CAMTA1: variants seen among roughly 807,000 people sequenced by gnomAD.
The protein encoded by CAMTA1 is calmodulin-binding transcription activator 1.
A neutral mutation model predicts 170.9 loss-of-function variants in CAMTA1; 27 were observed. The observed-to-expected ratio is 0.16, with a 90% CI of 0.12 to 0.22. The LOEUF (loss-of-function observed/expected upper bound fraction) is 0.22. CAMTA1 is among the 10% of genes least tolerant of loss of function. The probability of loss-of-function intolerance (pLI) is 1.00; values close to 1 mark genes in which losing one functional copy is unlikely to be tolerated. For missense variants in CAMTA1, 1,619 were observed against 2,217.2 expected, an observed-to-expected ratio of 0.73 and a Z score of 5.42; for synonymous variants, 833 against 891.5, an observed-to-expected ratio of 0.93 and a Z score of 1.17.
chr1:7,516,533 A>G (rs2094289131), intron 6 of CAMTA1, among the ~76,000 whole-genome samples: 1 of 152,182 alleles, frequency 6.6e-6, no homozygotes, highest in African/African-American at 2.4e-5. Context: ...GGGAACAGCT[A>G]AGAAAGAGGC....
At chr1:7,150,177 G>C (rs1646492355) in intron 4 of CAMTA1, among the ~76,000 whole-genome samples, 1 of 152,202 alleles carries the variant, frequency 6.6e-6, no homozygotes, top group Admixed American at 6.5e-5. Flanking sequence ...AGAGTGCCTG[G>C]ACCCGCATCG....
Position 7,738,566 on chromosome 1 carries a change from G to C in CAMTA1, c.4182+84G>C. 2.1e-6 allele frequency: 3 copies of C among 1,455,402 alleles called. No individual in the cohort carries two copies. The highest frequency in any genetic ancestry group is 2.8e-6 in the Non-Finnish European group (3 of 1,082,068). 90.2% of individuals were successfully genotyped at this position (1,455,402 alleles called of 1,614,324 possible). A position where few individuals can be genotyped will look rare whatever the true frequency, so the allele number is the denominator to read the frequency against. On this transcript the variant is annotated intron_variant, in intron 16 of 22. Transcript: ENST00000303635. This position sits in a 1 kb window ranked among gnomAD's most constrained non-coding sequence, Gnocchi z 4.9. ...TTTATGGTCCATTTCCGAAGGTTGT[G>C]TCATTTTCCTCCCCGTGAAGCCTTC... is the stretch of plus-strand genomic sequence containing the variant.
intron 11 of CAMTA1, among the ~76,000 whole-genome samples, chr1:7,714,472 G>A (rs1330134821): frequency 6.6e-6 from 1 of 152,108 alleles, no homozygotes; most frequent in African/African-American, 2.4e-5. Flanking sequence ...ACAGTCACTT[G>A]AAACCTAGTA....
chr1:6,861,964 CTT>C (rs1328461176), intron 3 of CAMTA1, among the ~76,000 whole-genome samples: 21 of 140,084 alleles, frequency 1.5e-4, no homozygotes, highest in Admixed American at 2.2e-4. Context: ...TAGTATTTGT[CTT>C]TTTTTTTTTT....
At chr1:7,707,692 A>G (rs780840889) in intron 11 of CAMTA1, among the ~76,000 whole-genome samples, 1 of 152,208 alleles carries the variant, frequency 6.6e-6, no homozygotes, top group Non-Finnish European at 1.5e-5. Context: ...GATGTATTGA[A>G]TTACATTAAA....
chr1:7,692,061 G>C (rs1224717070), intron 11 of CAMTA1, among the ~76,000 whole-genome samples: 1 of 152,066 alleles, frequency 6.6e-6, no homozygotes, highest in Non-Finnish European at 1.5e-5. Context: ...GCTGACTGCA[G>C]CTTTAGGATC....
At chr1:7,218,229 CA>C (rs1333543213) in intron 4 of CAMTA1, among the ~76,000 whole-genome samples, 11 of 152,180 alleles carry the variant, frequency 7.2e-5, no homozygotes, top group African/African-American at 2.7e-4. Flanking sequence ...GGATATTTTT[CA>C]AATGCATCGT....
intron 5 of CAMTA1, among the ~76,000 whole-genome samples, chr1:7,270,168 C>T (rs541198845): frequency 2.7e-5 from 4 of 149,684 alleles, no homozygotes; most frequent in African/African-American, 7.4e-5. Flanking sequence ...GATATATTTG[C>T]TAGCAGATCT....
At chr1:6,889,299 TGAA>T (rs1674006691) in intron 3 of CAMTA1, among the ~76,000 whole-genome samples, 1 of 152,190 alleles carries the variant, frequency 6.6e-6, no homozygotes, top group East Asian at 1.9e-4. Flanking sequence ...TTTTCTGAGG[TGAA>T]GAAATAAATG....
chr1:7,011,604 G>A (rs1015738735), intron 3 of CAMTA1, among the ~76,000 whole-genome samples: 4 of 152,130 alleles, frequency 2.6e-5, no homozygotes, highest in African/African-American at 4.8e-5. Flanking sequence ...CAGAGCATCC[G>A]TGTCAAAAAT....
At chr1:7,451,210 C>T (rs960492019) in intron 5 of CAMTA1, among the ~76,000 whole-genome samples, 1 of 152,358 alleles carries the variant, frequency 6.6e-6, no homozygotes, top group East Asian at 1.9e-4. Context: ...ATGATGTTCT[C>T]ATCTGCAGAT....
At chr1:7,616,853 A>G (rs1014339078) in intron 6 of CAMTA1, among the ~76,000 whole-genome samples, 1 of 152,258 alleles carries the variant, frequency 6.6e-6, no homozygotes, top group Non-Finnish European at 1.5e-5. Context: ...ACCCTATGAC[A>G]GCAGGGAGAT....
At chr1:7,310,651 CTT>C (rs1399174975) in intron 5 of CAMTA1, among the ~76,000 whole-genome samples, 2 of 46,078 alleles carry the variant, frequency 4.3e-5, no homozygotes, top group African/African-American at 2.4e-4. Context: ...TTTCTTTTTT[CTT>C]TCTTTCTTTC....
intron 11 of CAMTA1, among the ~76,000 whole-genome samples, chr1:7,719,953 A>C (rs1370279524): frequency 6.6e-6 from 1 of 152,240 alleles, no homozygotes; most frequent in Non-Finnish European, 1.5e-5. Context: ...GCACATGTGC[A>C]CTTGAGCTAC....
chr1:6,992,645 T>C (rs1696572276), intron 3 of CAMTA1, among the ~76,000 whole-genome samples: 1 of 152,180 alleles, frequency 6.6e-6, no homozygotes, highest in Non-Finnish European at 1.5e-5. Flanking sequence ...CTTTCAATTA[T>C]GGCAGGAGGG....
At chr1:7,715,216 G>A (rs1431713280) in intron 11 of CAMTA1, among the ~76,000 whole-genome samples, 2 of 152,150 alleles carry the variant, frequency 1.3e-5, no homozygotes, top group Admixed American at 6.6e-5. Flanking sequence ...GAAAAGGGGG[G>A]AAGAGCAGAG....
In CAMTA1 at chr1:7,748,383, T is replaced by C. The variant is rs1330226350; in HGVS notation, c.4689+602T>C. Reference sequence around the variant, plus strand: ...GTGTTGATGTCCAGCTTGGACCTCGTCTCAAAAAAAAACCAGAGGAAAACA... The same window carrying C: ...GTGTTGATGTCCAGCTTGGACCTCGCCTCAAAAAAAAACCAGAGGAAAACA... On this transcript the variant is annotated intron_variant, in intron 19 of 22. Coordinates refer to ENST00000303635, the MANE Select transcript of CAMTA1 (RefSeq NM_015215.4). This position sits in a 1 kb window ranked among gnomAD's most constrained non-coding sequence, Gnocchi z 4.7. Among the ~76,000 whole-genome samples the C allele has an allele frequency of 6.6e-6, 1 of 152,016 alleles. No homozygotes were observed. The highest frequency in any genetic ancestry group is 1.5e-5 in the Non-Finnish European group (1 of 67,982).
intron 20 of CAMTA1, among the ~76,000 whole-genome samples, 196 bp from the exon 21 acceptor site, chr1:7,752,263 C>G (rs188474654): frequency 6.1e-4 from 93 of 152,296 alleles, no homozygotes; most frequent in African/African-American, 2.1e-3. Context: ...CCTTTCTCCT[C>G]TAGTGATGCC....
At chr1:7,004,304 A>G (rs1389573345) in intron 3 of CAMTA1, among the ~76,000 whole-genome samples, 2 of 152,016 alleles carry the variant, frequency 1.3e-5, no homozygotes, top group African/African-American at 4.8e-5. Context: ...TTGCATTTAG[A>G]CTTTTGCATG....
Sources: gnomAD v4.1 joint callset for allele counts (sites outside exome capture counted in the v4.1 genomes callset) on GRCh38, gnomAD v4.1.1 for gene constraint, Gnocchi (gnomAD v3.1) non-coding constraint, MANE v1.5 for transcripts, NCBI Gene and HGNC (gene_info 2026-07-23, HGNC 2026-07-21) for gene names.